The following DENND1A variants were observed in gnomAD, a reference collection of about 807,000 sequenced individuals.
The protein encoded by DENND1A is DENN domain-containing protein 1A.
A neutral mutation model predicts 113.7 loss-of-function variants in DENND1A; 51 were observed. The observed-to-expected ratio is 0.45, with a 90% CI of 0.36 to 0.57. DENND1A has a LOEUF of 0.57. Ranked by LOEUF, DENND1A falls within the 20% of genes least tolerant of loss-of-function variation. The pLI, the probability that DENND1A is intolerant of heterozygous loss-of-function variation, is 0.00. For synonymous variants in DENND1A, 565 were observed against 570.8 expected, an observed-to-expected ratio of 0.99 and a Z score of 0.14; for missense variants, 1,258 against 1,395.9, an observed-to-expected ratio of 0.90 and a Z score of 1.57.
chr9:123,424,711 T>G (rs2045580425), intron 19 of DENND1A, among the ~76,000 whole-genome samples: 1 of 152,254 alleles, frequency 6.6e-6, no homozygotes, highest in Admixed American at 6.5e-5. Flanking sequence ...GCTCTGCCAC[T>G]TACTGTGTGA....
rs531819952 is a variant in DENND1A at position 123,714,582 on chromosome 9, A to G, written c.303-37793T>C. 1.8e-4 allele frequency among the ~76,000 whole-genome samples: 28 copies of G among 152,288 alleles called. 1 individual carries two copies. The highest frequency in any genetic ancestry group is 1.3e-4 in the Non-Finnish European group (9 of 68,026). ...ATGCCACTGCACTCCAGCCTAGGGG[A>G]CAGGGTGAGACTTCATCTCAAAATA... On this transcript the variant is annotated intron_variant, in intron 5 of 23. Transcript: ENST00000394215.
intron 13 of DENND1A, among the ~76,000 whole-genome samples, chr9:123,548,223 A>C (rs1589086201): frequency 1.3e-5 from 2 of 152,184 alleles, no homozygotes. Flanking sequence ...TTCCCAGGAC[A>C]TGATCTTGAC....
chr9:123,620,232 A>AAAAAAAAAAAAAAAAAAAG (rs1554916729), intron 10 of DENND1A, among the ~76,000 whole-genome samples: 23 of 114,408 alleles, frequency 2.0e-4, no homozygotes, highest in African/African-American at 7.4e-4. Context: ...AAAAAAAAAA[A>AAAAAAAAAAAAAAAAAAAG]AAAAAAGAAA....
intron 1 of DENND1A, among the ~76,000 whole-genome samples, chr9:123,890,389 G>A (rs962489198): frequency 1.3e-5 from 2 of 152,174 alleles, no homozygotes; most frequent in Non-Finnish European, 1.5e-5. Context: ...ATGTCAAGGC[G>A]TTCATGAAGC....
intron 8 of DENND1A, among the ~76,000 whole-genome samples, chr9:123,661,065 G>A (rs533458452): frequency 6.6e-6 from 1 of 152,348 alleles, no homozygotes; most frequent in East Asian, 1.9e-4. Context: ...GAGAAGGAAA[G>A]CTTAAAGCTA....
rs373047777 is a variant in DENND1A at position 123,879,055 on chromosome 9, G to C, written c.18-34C>G. On this transcript the variant is annotated intron_variant, in intron 1 of 23. Transcript: ENST00000394215. ...GAAACAGATCATGATTACTGACAAA[G>C]ATTGAGGCAGCATGGTATAGAACAT... 2.2e-5 allele frequency: 35 copies of C among 1,604,184 alleles called. No homozygotes were observed. In the African/African-American group the frequency reaches 4.6e-4, roughly 21 times the overall value.
intron 13 of DENND1A, among the ~76,000 whole-genome samples, chr9:123,516,107 T>TACACACACACACACACAC (rs199923277): frequency 1.4e-5 from 2 of 138,578 alleles, no homozygotes; most frequent in African/African-American, 5.6e-5. Flanking sequence ...TACACACACA[T>TACACACACACACACACAC]ACACACACAC....
rs535004788 is a variant in DENND1A, at chr9:123,922,096, C to A, written c.17+7793G>T. On this transcript the variant is annotated intron_variant, in intron 1 of 23. Coordinates refer to ENST00000394215, the MANE Select transcript of DENND1A (RefSeq NM_001352964.2). The stretch of plus-strand genomic sequence containing the variant: ...CACAGATACATGCCACCACACCTGG[C>A]TAATTGTTGTATTTTTTTGTAAAGA... Among the ~76,000 whole-genome samples, 3 of 152,130 alleles carry A rather than the reference C, an allele frequency of 2.0e-5. No individual in the cohort carries two copies. In the East Asian group the frequency reaches 5.8e-4, roughly 29 times the overall value.
chr9:123,778,758 C>T (rs953629415), intron 3 of DENND1A, among the ~76,000 whole-genome samples: 2 of 151,964 alleles, frequency 1.3e-5, no homozygotes, highest in African/African-American at 4.8e-5. Context: ...TCTGCCAAAC[C>T]CGATCTAGAG....
intron 5 of DENND1A, among the ~76,000 whole-genome samples, chr9:123,725,093 C>T (rs1202631916): frequency 3.9e-5 from 6 of 152,206 alleles, no homozygotes; most frequent in African/African-American, 7.2e-5. Context: ...GCAATTGTAA[C>T]GCCATTCAGA....
chr9:123,495,866 A>G (rs2051868598), intron 13 of DENND1A, among the ~76,000 whole-genome samples: 1 of 152,242 alleles, frequency 6.6e-6, no homozygotes, highest in Non-Finnish European at 1.5e-5. Flanking sequence ...AGCGGTATAC[A>G]TGCTTCATTC....
At chr9:123,626,151 C>T (rs753897740) in intron 10 of DENND1A, among the ~76,000 whole-genome samples, 3 of 152,140 alleles carry the variant, frequency 2.0e-5, no homozygotes, top group Non-Finnish European at 4.4e-5. Flanking sequence ...CCTTGGCCTC[C>T]CAAAGTGCTG....
At chr9:123,567,049 C>A (rs1478844707) in intron 12 of DENND1A, among the ~76,000 whole-genome samples, 1 of 151,982 alleles carries the variant, frequency 6.6e-6, no homozygotes, top group Non-Finnish European at 1.5e-5. Context: ...GTGGTCATTC[C>A]ATAAAAAGAT....
intron 13 of DENND1A, among the ~76,000 whole-genome samples, chr9:123,472,653 G>A (rs1248676956): frequency 1.3e-5 from 2 of 152,112 alleles, no homozygotes; most frequent in Non-Finnish European, 2.9e-5. Flanking sequence ...TCCCCCTCAG[G>A]CAGCCACTGA....
intron 19 of DENND1A, among the ~76,000 whole-genome samples, chr9:123,417,316 T>C (rs1009283748): frequency 6.6e-6 from 1 of 152,272 alleles, no homozygotes; most frequent in Non-Finnish European, 1.5e-5. Flanking sequence ...CAAGGTTCTG[T>C]TGAAGGACAC....
chr9:123,776,735 A>C (rs966185683), intron 3 of DENND1A, among the ~76,000 whole-genome samples: 1 of 152,254 alleles, frequency 6.6e-6, no homozygotes, highest in South Asian at 2.1e-4. Context: ...CATAAGAAAA[A>C]AGTGATCTTT....
At chr9:123,522,812 G>A (rs1431102067) in intron 13 of DENND1A, among the ~76,000 whole-genome samples, 2 of 152,180 alleles carry the variant, frequency 1.3e-5, no homozygotes, top group Non-Finnish European at 2.9e-5. Context: ...GGAAACATGA[G>A]ACGTCCCGGA....
chr9:123,813,661 A>G (rs1192584556), intron 2 of DENND1A, among the ~76,000 whole-genome samples: 1 of 152,214 alleles, frequency 6.6e-6, no homozygotes. Flanking sequence ...GTTCACAATT[A>G]TCCAAAGAAA....
intron 1 of DENND1A, among the ~76,000 whole-genome samples, chr9:123,893,349 CAA>C (rs984083768): frequency 2.0e-5 from 3 of 152,158 alleles, no homozygotes; most frequent in Admixed American, 2.0e-4. Context: ...AAAGAAAAGA[CAA>C]AAACACAATG....
Sources: gnomAD v4.1 joint callset for allele counts (sites outside exome capture counted in the v4.1 genomes callset) on GRCh38, gnomAD v4.1.1 for gene constraint, MANE v1.5 for transcripts, NCBI Gene and HGNC (gene_info 2026-07-23, HGNC 2026-07-21) for gene names.